PBX3: variants seen among roughly 807,000 people sequenced by gnomAD.
PBX3 encodes the protein pre-B-cell leukemia transcription factor 3.
Under a neutral mutation model 48.5 loss-of-function variants are expected in PBX3, and 14 were observed. That is an observed-to-expected ratio of 0.29 (90% CI 0.19 to 0.45). The LOEUF (loss-of-function observed/expected upper bound fraction) is 0.45, where lower values mean the gene tolerates loss of function less well. Ranked by LOEUF, PBX3 falls within the 20% of genes least tolerant of loss-of-function variation. The pLI, the probability that PBX3 is intolerant of heterozygous loss-of-function variation, is 1.00. For synonymous variants in PBX3, 210 were observed against 200.3 expected (o/e 1.05, Z -0.41); for missense variants, 386 against 546.7 (o/e 0.71, Z 2.93).
chr9:125,935,110 A>G (rs907242338), intron 4 of PBX3, among the ~76,000 whole-genome samples: 4 of 152,126 alleles, frequency 2.6e-5, no homozygotes, highest in Non-Finnish European at 5.9e-5. Context: ...CCCTTTAGAC[A>G]AGATATTTCT....
chr9:125,890,879 T>C (rs1487536528), intron 2 of PBX3, among the ~76,000 whole-genome samples: 1 of 152,210 alleles, frequency 6.6e-6, no homozygotes, highest in Non-Finnish European at 1.5e-5. Flanking sequence ...ATTTTGTGCT[T>C]TTCTTTAAAA....
chr9:125,759,478 ACTC>A lies in PBX3; in HGVS notation c.274+10859_274+10861del, dbSNP rs1171169214. Among the ~76,000 whole-genome samples the A allele has an allele frequency of 2.0e-5, 3 of 151,982 alleles. No homozygotes were observed. The highest frequency in any genetic ancestry group is 7.3e-5 in the African/African-American group (3 of 41,334). On this transcript the variant is annotated intron_variant, in intron 2 of 8. Coordinates refer to ENST00000373489, the MANE Select transcript of PBX3 (RefSeq NM_006195.6). The surrounding 1 kb of genome is among the most constrained non-coding windows in gnomAD (Gnocchi z 4.2). ...TGAGGCATTTATCATATCATCCCCT[ACTC>A]CTCATGCAAGCAAAAAAGGAGAAGT...
intron 5 of PBX3, among the ~76,000 whole-genome samples, chr9:125,936,046 C>T (rs1438643820): frequency 2.0e-5 from 3 of 152,194 alleles, no homozygotes; most frequent in Admixed American, 2.0e-4. Flanking sequence ...CAGGCCCTTT[C>T]TTGGTAACAT....
intron 2 of PBX3, among the ~76,000 whole-genome samples, chr9:125,889,861 C>T (rs1840596123): frequency 6.8e-6 from 1 of 147,750 alleles, no homozygotes; most frequent in Non-Finnish European, 1.5e-5. Flanking sequence ...ACAATGGGCG[C>T]GCCCGACGCC....
At chr9:125,952,532 A>T (rs1588334638) in intron 5 of PBX3, among the ~76,000 whole-genome samples, 1 of 152,204 alleles carries the variant, frequency 6.6e-6, no homozygotes, top group Non-Finnish European at 1.5e-5. Context: ...TTAGCTTTTT[A>T]TTTTGAACAT....
intron 2 of PBX3, among the ~76,000 whole-genome samples, chr9:125,908,589 T>C (rs1841130499): frequency 6.6e-6 from 1 of 151,890 alleles, no homozygotes; most frequent in Non-Finnish European, 1.5e-5. Context: ...CCCAGGCATG[T>C]GGTAAAATTT....
At chr9:125,928,333 C>CA (rs1841627794) in intron 3 of PBX3, among the ~76,000 whole-genome samples, 1 of 151,866 alleles carries the variant, frequency 6.6e-6, no homozygotes, top group African/African-American at 2.4e-5. Context: ...GAACTATGAT[C>CA]ATACCACTGC....
chr9:125,939,037 C>T (rs1372831696), intron 5 of PBX3, among the ~76,000 whole-genome samples: 1 of 151,780 alleles, frequency 6.6e-6, no homozygotes, highest in African/African-American at 2.4e-5. Context: ...CATGAGTGCC[C>T]ACAAAGATAA....
At chr9:125,829,964 A>T (rs1410131157) in intron 2 of PBX3, among the ~76,000 whole-genome samples, 2 of 152,194 alleles carry the variant, frequency 1.3e-5, no homozygotes, top group African/African-American at 4.8e-5. Flanking sequence ...AAAGCTGAAC[A>T]ATCTTGACAT....
intron 2 of PBX3, among the ~76,000 whole-genome samples, chr9:125,813,324 T>A (rs897276800): frequency 6.6e-6 from 1 of 152,146 alleles, no homozygotes; most frequent in Non-Finnish European, 1.5e-5. Context: ...TAGGCCAATG[T>A]GTAAGTAGGG....
Position 125,965,839 on chromosome 9 carries a change from A to G in PBX3, c.1221A>G (p.Gly407=). ...LYSPHNLNAN[G]GWQDATTPSS... ...TGTGTTTCTCCTTTCAGGCTAATGG[A>G]GGCTGGCAGGACGCAACAACTCCAT... The change falls in exon 9 of 9, where the codon GGA becomes GGG. Residue 407 remains glycine, a synonymous_variant. Coordinates refer to ENST00000373489, the MANE Select transcript of PBX3 (RefSeq NM_006195.6). 6.2e-7 allele frequency: 1 copy of G among 1,613,830 alleles called. No individual in the cohort carries two copies. The highest frequency in any genetic ancestry group is 1.7e-5 in the Admixed American group (1 of 60,022).
rs763563551 is a variant in PBX3 at position 125,915,760 on chromosome 9, G to A, written c.349G>A (p.Ala117Thr). ...AATGAGACTGGACAATATGCTTTTG[G>A]CAGAAGGGGTTTCAGGTCCTGAGAA... ...QLMRLDNMLL[A>T]EGVSGPEKGG... The change falls in exon 3 of 9, where the codon GCA (alanine) becomes ACA (threonine). Residue 117 changes from alanine (A) to threonine (T), a missense_variant. This residue lies in a region of PBX3 where 69 missense variants were observed against 99.1 expected (regional missense o/e 0.70). Transcript: ENST00000373489. 1.2e-6 allele frequency: 2 copies of A among 1,613,952 alleles called. No homozygotes were observed. The highest frequency in any genetic ancestry group is 1.7e-6 in the Non-Finnish European group (2 of 1,180,012).
At chr9:125,962,943 A>G in intron 7 of PBX3, 69 bp from the exon 8 acceptor site, 1 of 785,364 alleles carries the variant, frequency 1.3e-6, no homozygotes. Context: ...AATTCAAATT[A>G]TTTCCTTTTG....
At chr9:125,894,513 G>A (rs1840723936) in intron 2 of PBX3, among the ~76,000 whole-genome samples, 1 of 151,954 alleles carries the variant, frequency 6.6e-6, no homozygotes, top group African/African-American at 2.4e-5. Context: ...AAGACTAGTT[G>A]CTTTTCTGAA....
chr9:125,802,972 C>A (rs957249857), intron 2 of PBX3, among the ~76,000 whole-genome samples: 1 of 151,970 alleles, frequency 6.6e-6, no homozygotes, highest in Non-Finnish European at 1.5e-5. Flanking sequence ...AGCCACCGTG[C>A]CTGGCTGCAT....
intron 2 of PBX3, among the ~76,000 whole-genome samples, chr9:125,878,236 C>G (rs569446712): frequency 1.7e-4 from 26 of 152,300 alleles, no homozygotes; most frequent in African/African-American, 6.3e-4. Flanking sequence ...CTAATTCACT[C>G]AACTGGCAGC....
At chr9:125,921,010 C>T (rs529449713) in intron 3 of PBX3, among the ~76,000 whole-genome samples, 2 of 152,316 alleles carry the variant, frequency 1.3e-5, no homozygotes, top group South Asian at 2.1e-4. Flanking sequence ...CTGATGTTTT[C>T]ACATTAGAGA....
intron 2 of PBX3, among the ~76,000 whole-genome samples, chr9:125,880,600 C>T (rs572896828): frequency 6.6e-6 from 1 of 152,144 alleles, no homozygotes; most frequent in South Asian, 2.1e-4. Flanking sequence ...AGAAATCATG[C>T]TTTTTCTAAA....
intron 2 of PBX3, among the ~76,000 whole-genome samples, chr9:125,853,578 A>T (rs897818004): frequency 2.0e-5 from 3 of 152,168 alleles, no homozygotes; most frequent in Admixed American, 2.0e-4. Flanking sequence ...AGACTTTTGG[A>T]TGACTTTAGG....
Sources: gnomAD v4.1 joint callset for allele counts (sites outside exome capture counted in the v4.1 genomes callset) on GRCh38, gnomAD v4.1.1 for gene constraint, gnomAD v4.1.1 regional missense constraint, Gnocchi (gnomAD v3.1) non-coding constraint, MANE v1.5 for transcripts, NCBI Gene and HGNC (gene_info 2026-07-23, HGNC 2026-07-21) for gene names.